The following CYP4B1 variants were observed in gnomAD, a reference collection of about 807,000 sequenced individuals.
CYP4B1 encodes cytochrome P450 4B1.
CYP4B1 carries 45 observed loss-of-function variants against 54.0 expected under a neutral mutation model. The ratio of observed to expected loss-of-function variants is 0.83; its 90% CI spans 0.66 to 1.07. CYP4B1 has a LOEUF of 1.07. CYP4B1 is among the 50% of genes least tolerant of loss of function. The probability of loss-of-function intolerance (pLI) is 0.00; values close to 1 mark genes in which losing one functional copy is unlikely to be tolerated. For missense variants in CYP4B1, 656 were observed against 655.4 expected, an observed-to-expected ratio of 1.00 and a Z score of -0.01; for synonymous variants, 248 against 247.5, an observed-to-expected ratio of 1.00 and a Z score of -0.02.
At chr1:46,815,301 C>A in intron 8 of CYP4B1, 37 bp downstream of exon 8, 1 of 1,507,494 alleles carries the variant, frequency 6.6e-7, no homozygotes, top group South Asian at 1.3e-5. Context: ...TCCTGCTCAG[C>A]CCTTGGGAAG....
chr1:46,807,262 T>C (rs185588143), intron 1 of CYP4B1, among the ~76,000 whole-genome samples: 76 of 152,328 alleles, frequency 5.0e-4, no homozygotes, highest in African/African-American at 1.6e-3. Flanking sequence ...CAGGGTCTAC[T>C]GTCCCTTGTG....
chr1:46,809,250 A>G (rs901228142), intron 1 of CYP4B1, among the ~76,000 whole-genome samples: 4 of 152,160 alleles, frequency 2.6e-5, no homozygotes, highest in Non-Finnish European at 5.9e-5. Flanking sequence ...ATCCTGCCAG[A>G]ATGGCCCCAG....
chr1:46,814,491 T>C (rs1261203200), intron 7 of CYP4B1, among the ~76,000 whole-genome samples, 176 bp downstream of exon 7: 3 of 151,838 alleles, frequency 2.0e-5, no homozygotes, highest in Non-Finnish European at 4.4e-5. Context: ...AGGTGTAGGG[T>C]GTGTGTGCCT....
At chr1:46,799,359 A>C (rs1678517940) in intron 1 of CYP4B1, 98 bp downstream of exon 1, 19 of 1,149,692 alleles carry the variant, frequency 1.7e-5, no homozygotes, top group Non-Finnish European at 2.3e-5. Context: ...GGAGACTTCA[A>C]ACTTGGGCAG....
At chr1:46,811,514 G>A (rs1679099552) in intron 3 of CYP4B1, among the ~76,000 whole-genome samples, 1 of 152,168 alleles carries the variant, frequency 6.6e-6, no homozygotes, top group African/African-American at 2.4e-5. Context: ...CCAGGGCAAG[G>A]GCCTAAGGAA....
rs74695954 is a variant in CYP4B1, at chr1:46,802,358, T to C, written c.180+3097T>C. Among the ~76,000 whole-genome samples the C allele has an allele frequency of 9.7e-3, 1,477 of 152,286 alleles. 32 individuals are homozygous for C. Among genetic ancestry groups the C allele is most frequent in the African/African-American group, 0.034 (1,407 of 41,570 alleles). On this transcript the variant is annotated intron_variant, in intron 1 of 11. Transcript: ENST00000371923. Reference sequence around the variant, plus strand: ...TCATTTTCATTCAGTAAACATTGATTACAGGCCTTCGCTGTGCCCAGTTAG... The same window carrying C: ...TCATTTTCATTCAGTAAACATTGATCACAGGCCTTCGCTGTGCCCAGTTAG...
intron 3 of CYP4B1, among the ~76,000 whole-genome samples, chr1:46,811,676 A>G (rs1272568331): frequency 6.6e-6 from 1 of 152,190 alleles, no homozygotes; most frequent in African/African-American, 2.4e-5. Flanking sequence ...TGTTGAGAGT[A>G]GGTGGGAGTC....
intron 1 of CYP4B1, among the ~76,000 whole-genome samples, chr1:46,805,566 T>C (rs189002539): frequency 6.6e-6 from 1 of 152,346 alleles, no homozygotes; most frequent in Admixed American, 6.5e-5. Context: ...GATGAAGTCA[T>C]GTTTGTCACC....
At chr1:46,805,904 G>A (rs899099026) in intron 1 of CYP4B1, among the ~76,000 whole-genome samples, 1 of 152,122 alleles carries the variant, frequency 6.6e-6, no homozygotes, top group Non-Finnish European at 1.5e-5. Flanking sequence ...GGGCACCAAA[G>A]GGCACCTAAG....
intron 1 of CYP4B1, among the ~76,000 whole-genome samples, chr1:46,802,848 G>A (rs201492034): frequency 6.6e-6 from 1 of 152,220 alleles, no homozygotes; most frequent in East Asian, 1.9e-4. Context: ...GGGAGGTGAT[G>A]CTGAGGCACA....
At chr1:46,815,854 G>T (rs994524402) in intron 8 of CYP4B1, among the ~76,000 whole-genome samples, 3 of 152,194 alleles carry the variant, frequency 2.0e-5, no homozygotes, top group Non-Finnish European at 2.9e-5. Context: ...AGTCTCTCAA[G>T]AGGCTCCTTC....
chr1:46,803,765 C>T (rs1233571745), intron 1 of CYP4B1, among the ~76,000 whole-genome samples: 2 of 152,068 alleles, frequency 1.3e-5, no homozygotes, highest in African/African-American at 4.8e-5. Context: ...ACTTGGTGGG[C>T]CTGCAGGGAG....
chr1:46,806,281 C>T (rs1678856892), intron 1 of CYP4B1, among the ~76,000 whole-genome samples: 1 of 152,190 alleles, frequency 6.6e-6, no homozygotes, highest in African/African-American at 2.4e-5. Context: ...CGTCTTTCTC[C>T]TCCCTCACCT....
chr1:46,807,688 G>C (rs887324951), intron 1 of CYP4B1, among the ~76,000 whole-genome samples: 3 of 152,236 alleles, frequency 2.0e-5, no homozygotes, highest in African/African-American at 7.2e-5. Context: ...GTTGAACTCA[G>C]GATTCTGCGT....
intron 1 of CYP4B1, among the ~76,000 whole-genome samples, chr1:46,809,654 A>G (rs1679017651): frequency 1.3e-5 from 2 of 152,318 alleles, no homozygotes; most frequent in South Asian, 2.1e-4. Flanking sequence ...AAGATTAGTC[A>G]TTACCATGCC....
chr1:46,803,832 C>T (rs955088396), intron 1 of CYP4B1, among the ~76,000 whole-genome samples: 7 of 152,122 alleles, frequency 4.6e-5, no homozygotes, highest in Admixed American at 1.3e-4. Context: ...ATGGAGAAAA[C>T]GACATTCCAT....
At chr1:46,803,285 T>G (rs1050008879) in intron 1 of CYP4B1, among the ~76,000 whole-genome samples, 2 of 152,006 alleles carry the variant, frequency 1.3e-5, no homozygotes, top group African/African-American at 4.8e-5. Flanking sequence ...GGCCTCCACC[T>G]TGTGTTGGGG....
chr1:46,818,745 G>A lies in CYP4B1; in HGVS notation c.1470G>A (p.Gln490=), dbSNP rs772386075. The A allele has an allele frequency of 1.2e-6, 2 of 1,614,046 alleles. No homozygotes were observed. Among genetic ancestry groups the A allele is most frequent in the Non-Finnish European group, 1.7e-6 (2 of 1,180,026 alleles). ...DPSRLPIKMP[Q]LVLRSKNGFH... ...CACGGCTGCCCATCAAGATGCCCCA[G>A]CTTGTCCTGCGCTCCAAGAATGGCT... The change falls in exon 12 of 12, where the codon CAG becomes CAA. Residue 490 remains glutamine, a synonymous_variant. Transcript: ENST00000371923.
At chr1:46,813,095 A>G (rs1045183657) in intron 4 of CYP4B1, among the ~76,000 whole-genome samples, 1 of 152,216 alleles carries the variant, frequency 6.6e-6, no homozygotes, top group Non-Finnish European at 1.5e-5. Flanking sequence ...AGGGCTGGGT[A>G]ATCCCTAAGT....
Sources: allele counts gnomAD v4.1 joint callset (sites outside exome capture counted in the v4.1 genomes callset), GRCh38; gene constraint gnomAD v4.1.1; transcripts MANE v1.5; gene names NCBI Gene and HGNC (gene_info 2026-07-23, HGNC 2026-07-21).